The following RPAP2 variants were observed in gnomAD, a reference collection of about 807,000 sequenced individuals.
The protein encoded by RPAP2 is RNA polymerase II associated protein 2.
RPAP2 carries 52 observed loss-of-function variants against 73.1 expected under a neutral mutation model. That is an observed-to-expected ratio of 0.71 (90% CI 0.57 to 0.90). The LOEUF (loss-of-function observed/expected upper bound fraction) is 0.90. Ranked by LOEUF, RPAP2 falls within the 40% of genes least tolerant of loss-of-function variation. The pLI, the probability that RPAP2 is intolerant of heterozygous loss-of-function variation, is 0.00. For synonymous variants in RPAP2, 225 were observed against 242.1 expected, an observed-to-expected ratio of 0.93 and a Z score of 0.65; for missense variants, 598 against 701.8, an observed-to-expected ratio of 0.85 and a Z score of 1.67.
At chr1:92,327,353 A>G (rs1255286080) in intron 8 of RPAP2, among the ~76,000 whole-genome samples, 1 of 152,140 alleles carries the variant, frequency 6.6e-6, no homozygotes, top group Non-Finnish European at 1.5e-5. Context: ...GTTTAGATGC[A>G]TATTTATTTA....
chr1:92,313,625 C>A (rs1651725604), intron 6 of RPAP2, among the ~76,000 whole-genome samples: 1 of 152,086 alleles, frequency 6.6e-6, no homozygotes, highest in Non-Finnish European at 1.5e-5. Flanking sequence ...GCATTGGCTT[C>A]AACTTAAAGT....
At position 92,388,636 on chromosome 1, in the gene RPAP2, T is replaced by C. The variant is rs543561056; in HGVS notation, c.*1625T>C. 1 of 152,316 alleles carries C rather than the reference T, an allele frequency of 6.6e-6. No individual in the cohort carries two copies. The highest frequency in any genetic ancestry group is 1.9e-4 in the East Asian group (1 of 5,166). The allele number at this position is 152,316 out of a possible 1,614,324, so 9.4% of individuals were successfully genotyped here. A position where few individuals can be genotyped will look rare whatever the true frequency, so the allele number is the denominator to read the frequency against. On this transcript the variant is annotated 3_prime_UTR_variant, in exon 13 of 13. Transcript: ENST00000610020. The stretch of plus-strand genomic sequence containing the variant: ...CTAGCCAAGGGAAGCCGTGAGTGAC[T>C]ATACCTGGAGGAGGGGTACACTCCT...
chr1:92,304,113 T>C, intron 4 of RPAP2, 38 bp downstream of exon 4: 1 of 1,434,544 alleles, frequency 7.0e-7, no homozygotes. Flanking sequence ...AGGCTTTTAT[T>C]ATTTTCATTT....
At chr1:92,338,510 G>C (rs1653406365) in intron 10 of RPAP2, among the ~76,000 whole-genome samples, 1 of 152,174 alleles carries the variant, frequency 6.6e-6, no homozygotes, top group Non-Finnish European at 1.5e-5. Flanking sequence ...TGATGATAAA[G>C]TTTAAATAGA....
At position 92,398,409 on chromosome 1, in the gene RPAP2, G is replaced by T. The variant is rs114670042; in HGVS notation, c.*11398G>T. The T allele has an allele frequency of 2.0e-5, 3 of 152,140 alleles. No individual in the cohort carries two copies. The highest frequency in any genetic ancestry group is 2.0e-4 in the Admixed American group (3 of 15,270). The allele number at this position is 152,140 out of a possible 1,614,324, so 9.4% of individuals were successfully genotyped here. Reference sequence around the variant, plus strand: ...TATTATTTAGCATCTTCTGCTTATAGTCATGTCCAAAAACCAGTTGATCTT... The same window carrying T: ...TATTATTTAGCATCTTCTGCTTATATTCATGTCCAAAAACCAGTTGATCTT... On this transcript the variant is annotated 3_prime_UTR_variant, in exon 13 of 13. Coordinates refer to ENST00000610020, the MANE Select transcript of RPAP2 (RefSeq NM_024813.3).
rs1023339676 is a variant in RPAP2, at chr1:92,396,145, C to T, written c.*9134C>T. 2 of 151,782 alleles carry T rather than the reference C, an allele frequency of 1.3e-5. No homozygotes were observed. Among genetic ancestry groups the T allele is most frequent in the South Asian group, 4.2e-4 (2 of 4,796 alleles). The allele number at this position is 151,782 out of a possible 1,614,324, so 9.4% of individuals were successfully genotyped here. A position where few individuals can be genotyped will look rare whatever the true frequency, so the allele number is the denominator to read the frequency against. ...AAGACTCGTAGGCAAATGTTCATAG[C>T]ATTATCATTCATATTAGTCAAAAAG... On this transcript the variant is annotated 3_prime_UTR_variant, in exon 13 of 13. Coordinates refer to ENST00000610020, the MANE Select transcript of RPAP2 (RefSeq NM_024813.3).
At chr1:92,331,076 T>C (rs1652934563) in intron 8 of RPAP2, among the ~76,000 whole-genome samples, 1 of 152,226 alleles carries the variant, frequency 6.6e-6, no homozygotes, top group Non-Finnish European at 1.5e-5. Flanking sequence ...CTCACCTTAA[T>C]TGTGGATTGA....
intron 11 of RPAP2, among the ~76,000 whole-genome samples, chr1:92,365,743 A>C (rs1196542558): frequency 6.6e-6 from 1 of 152,232 alleles, no homozygotes; most frequent in Non-Finnish European, 1.5e-5. Context: ...GATTTCAAAA[A>C]TTATTTGAAG....
chr1:92,377,518 A>C (rs1655434051), intron 11 of RPAP2, among the ~76,000 whole-genome samples: 2 of 4,158 alleles, frequency 4.8e-4, no homozygotes, highest in Admixed American at 2.8e-3. Context: ...CTTTGTCTCA[A>C]AAAAAAAAAA....
At chr1:92,304,799 C>G (rs1557588331) in intron 5 of RPAP2, among the ~76,000 whole-genome samples, 1 of 152,076 alleles carries the variant, frequency 6.6e-6, no homozygotes, top group Non-Finnish European at 1.5e-5. Flanking sequence ...ATACATAGAT[C>G]AATTTTAGGT....
chr1:92,332,193 T>G (rs539730246), intron 8 of RPAP2, among the ~76,000 whole-genome samples: 3 of 152,156 alleles, frequency 2.0e-5, no homozygotes, highest in South Asian at 2.1e-4. Flanking sequence ...TGACTGTGCT[T>G]CATTCTGGAT....
Position 92,392,975 on chromosome 1 carries a change from A to T in RPAP2, c.*5964A>T, listed in dbSNP as rs1204747007. The T allele has an allele frequency of 2.6e-5, 4 of 152,198 alleles. No individual in the cohort carries two copies. The highest frequency in any genetic ancestry group is 9.7e-5 in the African/African-American group (4 of 41,440). The allele number at this position is 152,198 out of a possible 1,614,324, so 9.4% of individuals were successfully genotyped here. A position where few individuals can be genotyped will look rare whatever the true frequency, so the allele number is the denominator to read the frequency against. On this transcript the variant is annotated 3_prime_UTR_variant, in exon 13 of 13. Transcript: ENST00000610020. ...TAACTTTCTTCACAGAATTGGAAAA[A>T]ACTACTTTAAGATTCATATGGAACC...
At chr1:92,349,181 G>A (rs1654072673) in intron 11 of RPAP2, among the ~76,000 whole-genome samples, 1 of 152,078 alleles carries the variant, frequency 6.6e-6, no homozygotes, top group African/African-American at 2.4e-5. Context: ...AGACATTTCT[G>A]GAATTCATGT....
At position 92,397,712 on chromosome 1, in the gene RPAP2, A is replaced by C. The variant is rs1000275242; in HGVS notation, c.*10701A>C. On this transcript the variant is annotated 3_prime_UTR_variant, in exon 13 of 13. Transcript: ENST00000610020. ...TTCTAAATATTTTCCAATAGAAAAG[A>C]ACCCAGGCTTCTTGAGAAAATAGCT... The C allele has an allele frequency of 6.6e-6, 1 of 152,260 alleles. No homozygotes were observed. The highest frequency in any genetic ancestry group is 2.4e-5 in the African/African-American group (1 of 41,478). The allele number at this position is 152,260 out of a possible 1,614,324, so 9.4% of individuals were successfully genotyped here.
At chr1:92,373,742 A>AT (rs1282918227) in intron 11 of RPAP2, among the ~76,000 whole-genome samples, 2 of 109,464 alleles carry the variant, frequency 1.8e-5, no homozygotes, top group African/African-American at 1.3e-4. Context: ...CTAAAAATAA[A>AT]AAAAAAAAAA....
chr1:92,320,406 G>T lies in RPAP2; in HGVS notation c.489-193G>T, dbSNP rs530410988. On this transcript the variant is annotated intron_variant, in intron 6 of 12. Transcript: ENST00000610020. ...TCCTGCCTCAGCCTCCTGAGTAGCTGGGACTACAGGCGCGCACCGCCATGT... is the reference window on the plus strand; with the variant it reads ...TCCTGCCTCAGCCTCCTGAGTAGCTTGGACTACAGGCGCGCACCGCCATGT... 9.9e-5 allele frequency among the ~76,000 whole-genome samples: 15 copies of T among 152,168 alleles called. No homozygotes were observed. In the South Asian group the frequency reaches 1.7e-3, roughly 17 times the overall value.
chr1:92,338,136 A>C (rs1483346488), intron 10 of RPAP2, among the ~76,000 whole-genome samples: 1 of 152,198 alleles, frequency 6.6e-6, no homozygotes, highest in African/African-American at 2.4e-5. Context: ...ACAAGCACAT[A>C]AAGACATTTT....
chr1:92,344,180 C>T (rs1362590551), intron 10 of RPAP2, among the ~76,000 whole-genome samples: 11 of 152,104 alleles, frequency 7.2e-5, no homozygotes, highest in Admixed American at 5.9e-4. Flanking sequence ...GAGGCCGAGG[C>T]GGGTGGATCA....
rs1369124573 is a variant in RPAP2 at position 92,390,971 on chromosome 1, G to A, written c.*3960G>A. ...AACACCCCACTGTCAATATTAGACA[G>A]ATCAACAAGACAGAAAATTAACAAA... is the stretch of plus-strand genomic sequence containing the variant. On this transcript the variant is annotated 3_prime_UTR_variant, in exon 13 of 13. Transcript: ENST00000610020. 2.0e-5 allele frequency: 3 copies of A among 152,132 alleles called. No homozygotes were observed. Among genetic ancestry groups the A allele is most frequent in the Non-Finnish European group, 4.4e-5 (3 of 68,028 alleles). 9.4% of individuals were successfully genotyped at this position (152,132 alleles called of 1,614,324 possible).
Sources: gnomAD v4.1 joint callset for allele counts (sites outside exome capture counted in the v4.1 genomes callset) on GRCh38, gnomAD v4.1.1 for gene constraint, MANE v1.5 for transcripts, NCBI Gene and HGNC (gene_info 2026-07-23, HGNC 2026-07-21) for gene names.